RIMBP2: variants seen among roughly 807,000 people sequenced by gnomAD.
RIMBP2 encodes the protein RIMS-binding protein 2.
RIMBP2 carries 48 observed loss-of-function variants against 118.6 expected under a neutral mutation model. The observed-to-expected ratio is 0.40, with a 90% confidence interval of 0.32 to 0.51. RIMBP2 has a LOEUF of 0.51. Among genes scored for constraint, RIMBP2 ranks in the 20% least tolerant of loss-of-function variants. The probability of loss-of-function intolerance (pLI) is 0.41; values close to 1 mark genes in which losing one functional copy is unlikely to be tolerated. For synonymous variants in RIMBP2, 762 were observed against 742.9 expected (o/e 1.03, Z -0.42); for missense variants, 1,551 against 1,768.3 (o/e 0.88, Z 2.20).
chr12:130,584,929 CACCCAGGCTGGA>C (rs2058784318), intron 2 of RIMBP2, among the ~76,000 whole-genome samples: 1 of 151,970 alleles, frequency 6.6e-6, no homozygotes, highest in Non-Finnish European at 1.5e-5. Context: ...CTTGCTATGT[CACCCAGGCTGGA>C]ATGCAGTGTC....
At chr12:130,565,104 C>A (rs1391590974) in intron 2 of RIMBP2, among the ~76,000 whole-genome samples, 1 of 152,136 alleles carries the variant, frequency 6.6e-6, no homozygotes, top group Non-Finnish European at 1.5e-5. Context: ...ACTTCCTGCC[C>A]TTTATGATGC....
chr12:130,444,312 G>A (rs1379539284), intron 10 of RIMBP2, among the ~76,000 whole-genome samples: 2 of 152,130 alleles, frequency 1.3e-5, no homozygotes, highest in Non-Finnish European at 2.9e-5. Flanking sequence ...CTGGGCTCCT[G>A]CTCATGGACA....
chr12:130,535,159 GCT>G lies in RIMBP2; in HGVS notation c.-216-17244_-216-17243del, dbSNP rs541766505. The stretch of plus-strand genomic sequence containing the variant: ...GCTTCCCCCTTAGTGAGCAGCTGCT[GCT>G]CTGTTCTCTGGGGCTGATGAATTTA... On this transcript the variant is annotated intron_variant, in intron 2 of 22. Coordinates refer to ENST00000690449, the MANE Select transcript of RIMBP2 (RefSeq NM_001393629.1). Among the ~76,000 whole-genome samples the G allele has an allele frequency of 2.5e-3, 382 of 152,166 alleles. 2 individuals carry two copies. The highest frequency in any genetic ancestry group is 4.7e-3 in the Non-Finnish European group (317 of 68,008).
rs528238749 is a variant in RIMBP2, at chr12:130,714,255, G to T, written c.-352+1967C>A. On this transcript the variant is annotated intron_variant, in intron 1 of 22. Transcript: ENST00000690449. ...GGCGCCAACAGTGCATGGGGCCAAA[G>T]AGATGAAACTGAAAGCTACAGTGTA... Among the ~76,000 whole-genome samples the T allele has an allele frequency of 2.6e-5, 4 of 152,360 alleles. No homozygotes were observed. The South Asian group carries it at 6.2e-4, about 24-fold the overall frequency.
chr12:130,650,748 C>T (rs936761854), intron 1 of RIMBP2, among the ~76,000 whole-genome samples: 1 of 152,072 alleles, frequency 6.6e-6, no homozygotes. Flanking sequence ...TTTTCTTAAC[C>T]GATCATTGTT....
chr12:130,622,022 A>G lies in RIMBP2; in HGVS notation c.-217+6300T>C, dbSNP rs952038883. ...AATAATAACAGAACAAAATGAAACC[A>G]ACAAAATGGAATTTAAAATACATAA... On this transcript the variant is annotated intron_variant, in intron 2 of 22. Coordinates refer to ENST00000690449, the MANE Select transcript of RIMBP2 (RefSeq NM_001393629.1). This position sits in a 1 kb window ranked among gnomAD's most constrained non-coding sequence, Gnocchi z 8.5. Among the ~76,000 whole-genome samples, 2 of 152,234 alleles carry G rather than the reference A, an allele frequency of 1.3e-5. No individual in the cohort carries two copies. Among genetic ancestry groups the G allele is most frequent in the African/African-American group, 4.8e-5 (2 of 41,458 alleles).
chr12:130,561,596 G>A (rs1050941703), intron 2 of RIMBP2, among the ~76,000 whole-genome samples: 4 of 152,072 alleles, frequency 2.6e-5, no homozygotes, highest in African/African-American at 9.7e-5. Context: ...TTTTTCTGGT[G>A]AATCACATAC....
chr12:130,636,824 A>G (rs2062372263), intron 1 of RIMBP2, among the ~76,000 whole-genome samples: 1 of 152,212 alleles, frequency 6.6e-6, no homozygotes, highest in South Asian at 2.1e-4. Context: ...CTGAAGCTGG[A>G]TACCTACAGC....
chr12:130,453,820 G>A (rs891699740), intron 7 of RIMBP2, among the ~76,000 whole-genome samples: 7 of 152,188 alleles, frequency 4.6e-5, no homozygotes, highest in South Asian at 2.1e-4. Flanking sequence ...TTGGGAGACC[G>A]AGGCAGGTAG....
In RIMBP2 at chr12:130,688,273, C is replaced by T. The variant is rs1193363721; in HGVS notation, c.-352+27949G>A. Among the ~76,000 whole-genome samples the T allele has an allele frequency of 6.6e-6, 1 of 152,126 alleles. No homozygotes were observed. Among genetic ancestry groups the T allele is most frequent in the African/African-American group, 2.4e-5 (1 of 41,420 alleles). On this transcript the variant is annotated intron_variant, in intron 1 of 22. Coordinates refer to ENST00000690449, the MANE Select transcript of RIMBP2 (RefSeq NM_001393629.1). This position sits in a 1 kb window ranked among gnomAD's most constrained non-coding sequence, Gnocchi z 4.7. The stretch of plus-strand genomic sequence containing the variant: ...CCAGCTCTGCACCATGGGCACCCGG[C>T]AGACCCTCCTGCTGTTTCTGAACTC...
At position 130,688,684 on chromosome 12, in the gene RIMBP2, C is replaced by T. The variant is rs947395263; in HGVS notation, c.-352+27538G>A. On this transcript the variant is annotated intron_variant, in intron 1 of 22. Coordinates refer to ENST00000690449, the MANE Select transcript of RIMBP2 (RefSeq NM_001393629.1). The surrounding 1 kb of genome is among the most constrained non-coding windows in gnomAD (Gnocchi z 4.7). ...CCCAAGGGCAGGTGACAGGTACAGG[C>T]AGGGGGACACTAAAACCCCACATTC... is the stretch of plus-strand genomic sequence containing the variant. Among the ~76,000 whole-genome samples, 2 of 152,202 alleles carry T rather than the reference C, an allele frequency of 1.3e-5. No individual in the cohort carries two copies. Among genetic ancestry groups the T allele is most frequent in the Non-Finnish European group, 2.9e-5 (2 of 68,042 alleles).
intron 2 of RIMBP2, among the ~76,000 whole-genome samples, chr12:130,597,027 A>G (rs1478637806): frequency 1.3e-5 from 2 of 152,236 alleles, no homozygotes; most frequent in Admixed American, 1.3e-4. Context: ...GGACAAATTA[A>G]TACCAATTCT....
intron 1 of RIMBP2, among the ~76,000 whole-genome samples, chr12:130,632,985 A>G (rs1233277500): frequency 1.3e-5 from 2 of 152,196 alleles, no homozygotes; most frequent in Non-Finnish European, 2.9e-5. Context: ...GCACAGGATC[A>G]TGCCTTCTGC....
rs1304609900 is a variant in RIMBP2 at position 130,447,225 on chromosome 12, G to A, written c.582-1956C>T. 1.3e-5 allele frequency among the ~76,000 whole-genome samples: 2 copies of A among 152,002 alleles called. No individual in the cohort carries two copies. The highest frequency in any genetic ancestry group is 2.9e-5 in the Non-Finnish European group (2 of 67,990). ...AGAGCTTGAGAGGGAAGCCGCGGAGGCCAAGAGGGAAGGTGAACACCGAGA... is the reference window on the plus strand; with the variant it reads ...AGAGCTTGAGAGGGAAGCCGCGGAGACCAAGAGGGAAGGTGAACACCGAGA... On this transcript the variant is annotated intron_variant, in intron 9 of 22. Coordinates refer to ENST00000690449, the MANE Select transcript of RIMBP2 (RefSeq NM_001393629.1). The surrounding 1 kb of genome is among the most constrained non-coding windows in gnomAD (Gnocchi z 4.4).
chr12:130,507,690 C>T (rs552335799), intron 3 of RIMBP2, among the ~76,000 whole-genome samples: 4 of 152,294 alleles, frequency 2.6e-5, no homozygotes, highest in African/African-American at 9.6e-5. Flanking sequence ...ATGCTGTCAA[C>T]GAAAGAAGTC....
At chr12:130,409,686 C>T (rs760133015) in intron 19 of RIMBP2, among the ~76,000 whole-genome samples, 1 of 152,060 alleles carries the variant, frequency 6.6e-6, no homozygotes, top group Non-Finnish European at 1.5e-5. Context: ...CTGGATGACG[C>T]CTCTGAGATT....
At chr12:130,444,409 G>A (rs1323488088) in intron 10 of RIMBP2, among the ~76,000 whole-genome samples, 2 of 152,144 alleles carry the variant, frequency 1.3e-5, no homozygotes, top group Non-Finnish European at 2.9e-5. Context: ...ACAGCATGAG[G>A]TCACGAAAGA....
At chr12:130,614,891 T>C (rs1345100014) in intron 2 of RIMBP2, among the ~76,000 whole-genome samples, 1 of 149,230 alleles carries the variant, frequency 6.7e-6, no homozygotes, top group Non-Finnish European at 1.5e-5. Context: ...AATACATATA[T>C]TTTATATGTA....
chr12:130,480,711 G>A (rs1052596818), intron 4 of RIMBP2, among the ~76,000 whole-genome samples: 3 of 151,970 alleles, frequency 2.0e-5, no homozygotes, highest in Non-Finnish European at 4.4e-5. Flanking sequence ...AGCTACTCTC[G>A]TGCTTCAGCC....
Sources: gnomAD v4.1 joint callset for allele counts (sites outside exome capture counted in the v4.1 genomes callset) on GRCh38, gnomAD v4.1.1 for gene constraint, Gnocchi (gnomAD v3.1) non-coding constraint, MANE v1.5 for transcripts, NCBI Gene and HGNC (gene_info 2026-07-23, HGNC 2026-07-21) for gene names.